The following CADM2 variants were observed in gnomAD, a reference collection of about 807,000 sequenced individuals.
CADM2 encodes the protein cell adhesion molecule 2, also known as immunoglobulin superfamily member 4D.
CADM2 carries 12 observed loss-of-function variants against 49.8 expected under a neutral mutation model. That is an observed-to-expected ratio of 0.24 (90% CI 0.15 to 0.39). The LOEUF is 0.39. CADM2 is among the 10% of genes least tolerant of loss of function. The probability of loss-of-function intolerance (pLI) is 1.00; values close to 1 mark genes in which losing one functional copy is unlikely to be tolerated. For synonymous variants in CADM2, 214 were observed against 175.4 expected (o/e 1.22, Z -1.74); for missense variants, 378 against 492.3 (o/e 0.77, Z 2.20).
intron 7 of CADM2, among the ~76,000 whole-genome samples, chr3:85,942,100 T>A (rs1721986242): frequency 6.6e-6 from 1 of 152,082 alleles, no homozygotes; most frequent in Admixed American, 6.6e-5. Flanking sequence ...TGATTGTATT[T>A]TTTTGTTTAC....
At chr3:85,968,857 T>C (rs1196089954) in intron 8 of CADM2, among the ~76,000 whole-genome samples, 1 of 151,776 alleles carries the variant, frequency 6.6e-6, no homozygotes, top group African/African-American at 2.4e-5. Context: ...ATGGCATTCC[T>C]AAATAGAAGA....
chr3:85,242,794 A>T (rs1041901030), intron 1 of CADM2, among the ~76,000 whole-genome samples: 2 of 151,786 alleles, frequency 1.3e-5, no homozygotes, highest in African/African-American at 4.8e-5. Flanking sequence ...TTGATATTCA[A>T]TATTATTCCA....
At chr3:85,657,713 GAT>G (rs142144662) in intron 1 of CADM2, among the ~76,000 whole-genome samples, 6,149 of 45,376 alleles carry the variant, frequency 0.14, 438 homozygotes, top group African/African-American at 0.26. Flanking sequence ...TATATACACA[GAT>G]ATATATATAT....
chr3:85,180,438 G>A (rs1473262731), intron 1 of CADM2, among the ~76,000 whole-genome samples: 1 of 150,606 alleles, frequency 6.6e-6, no homozygotes, highest in African/African-American at 2.4e-5. Flanking sequence ...GAGACCAGGA[G>A]GTGGAGGTTG....
chr3:85,493,357 A>G (rs1270973740), intron 1 of CADM2, among the ~76,000 whole-genome samples: 1 of 152,100 alleles, frequency 6.6e-6, no homozygotes, highest in African/African-American at 2.4e-5. Flanking sequence ...TGTTAGCTGT[A>G]ACCTTCCAAA....
At chr3:85,521,514 T>C (rs2061025569) in intron 1 of CADM2, among the ~76,000 whole-genome samples, 1 of 152,190 alleles carries the variant, frequency 6.6e-6, no homozygotes, top group Non-Finnish European at 1.5e-5. Context: ...TTTGCTTTCA[T>C]GATTGTAAGC....
chr3:85,311,774 C>A (rs2044351551), intron 1 of CADM2, among the ~76,000 whole-genome samples: 1 of 152,118 alleles, frequency 6.6e-6, no homozygotes, highest in Non-Finnish European at 1.5e-5. Flanking sequence ...TCACAAATCT[C>A]ACAACAAAAC....
At chr3:85,480,705 T>G (rs760538327) in intron 1 of CADM2, among the ~76,000 whole-genome samples, 1 of 151,812 alleles carries the variant, frequency 6.6e-6, no homozygotes, top group Non-Finnish European at 1.5e-5. Context: ...GACCAAACCA[T>G]TTTGTCTTTA....
chr3:85,062,051 CTCTCTCTCTG>C (rs1165563702), intron 1 of CADM2, among the ~76,000 whole-genome samples: 1 of 151,550 alleles, frequency 6.6e-6, no homozygotes, highest in African/African-American at 2.4e-5. Context: ...CTCTCTCTGT[CTCTCTCTCTG>C]TCTCTCTCTC....
chr3:85,585,759 A>G (rs985588457), intron 1 of CADM2, among the ~76,000 whole-genome samples: 3 of 152,010 alleles, frequency 2.0e-5, no homozygotes, highest in African/African-American at 7.2e-5. Flanking sequence ...TAGAGTTTGG[A>G]GAAATAGGCT....
At chr3:84,992,496 G>A (rs2032949130) in intron 1 of CADM2, among the ~76,000 whole-genome samples, 1 of 152,038 alleles carries the variant, frequency 6.6e-6, no homozygotes, top group African/African-American at 2.4e-5. Context: ...GGGCATGGTG[G>A]TGCACAACTG....
At chr3:85,345,817 A>C (rs1401142319) in intron 1 of CADM2, among the ~76,000 whole-genome samples, 1 of 152,182 alleles carries the variant, frequency 6.6e-6, no homozygotes, top group Non-Finnish European at 1.5e-5. Context: ...GATGGTCGTA[A>C]TTTGGTCATA....
intron 1 of CADM2, among the ~76,000 whole-genome samples, chr3:85,004,693 G>T: frequency 6.6e-6 from 1 of 152,112 alleles, no homozygotes; most frequent in Non-Finnish European, 1.5e-5. Flanking sequence ...TAAAGGCCCC[G>T]AAGCAGGAGA....
At chr3:85,348,907 G>C (rs953945810) in intron 1 of CADM2, among the ~76,000 whole-genome samples, 7 of 151,978 alleles carry the variant, frequency 4.6e-5, no homozygotes, top group African/African-American at 1.7e-4. Flanking sequence ...ATATGGTCTT[G>C]TTTTTCATCA....
chr3:85,219,591 C>G (rs2042002594), intron 1 of CADM2, among the ~76,000 whole-genome samples: 2 of 152,166 alleles, frequency 1.3e-5, no homozygotes, highest in South Asian at 4.1e-4. Context: ...AAAGCAACTA[C>G]ATTTCCCTGT....
intron 1 of CADM2, among the ~76,000 whole-genome samples, chr3:85,661,835 A>C (rs2065416590): frequency 6.6e-6 from 1 of 152,060 alleles, no homozygotes; most frequent in Admixed American, 6.6e-5. Context: ...TTTAACTTTT[A>C]CCTTATTAGT....
intron 1 of CADM2, among the ~76,000 whole-genome samples, chr3:85,409,910 A>C (rs2035579792): frequency 6.6e-6 from 1 of 152,148 alleles, no homozygotes; most frequent in Admixed American, 6.6e-5. Flanking sequence ...AAAGTACAAA[A>C]ATCTGTTAAT....
chr3:85,049,103 T>C (rs1475131993), intron 1 of CADM2, among the ~76,000 whole-genome samples: 2 of 152,134 alleles, frequency 1.3e-5, no homozygotes, highest in Non-Finnish European at 2.9e-5. Context: ...GGTAGAGTGA[T>C]TCATTCCGAT....
intron 1 of CADM2, among the ~76,000 whole-genome samples, chr3:85,341,075 A>C (rs2107192619): frequency 6.6e-6 from 1 of 151,846 alleles, no homozygotes; most frequent in East Asian, 1.9e-4. Context: ...TTATTTTTCA[A>C]GCTTTTCTCT....
Sources: allele counts gnomAD v4.1 joint callset (sites outside exome capture counted in the v4.1 genomes callset), GRCh38; gene constraint gnomAD v4.1.1; transcripts MANE v1.5; gene names NCBI Gene and HGNC (gene_info 2026-07-23, HGNC 2026-07-21).